The following LRMDA variants were observed in gnomAD, a reference collection of about 807,000 sequenced individuals.
LRMDA encodes leucine rich melanocyte differentiation associated.
In LRMDA, 18 loss-of-function variants were observed where a neutral mutation model predicts 29.8. The ratio of observed to expected loss-of-function variants is 0.60; its 90% CI spans 0.42 to 0.90. LRMDA has a LOEUF of 0.90. Among genes scored for constraint, LRMDA ranks in the 40% least tolerant of loss-of-function variants. The pLI is 0.00. For synonymous variants in LRMDA, 125 were observed against 109.4 expected, an observed-to-expected ratio of 1.14 and a Z score of -0.89; for missense variants, 273 against 273.9, an observed-to-expected ratio of 1.00 and a Z score of 0.02.
chr10:75,811,782 C>G (rs766743443), intron 2 of LRMDA, among the ~76,000 whole-genome samples: 8 of 152,182 alleles, frequency 5.3e-5, no homozygotes, highest in Non-Finnish European at 1.0e-4. Flanking sequence ...GAACACACGG[C>G]AAATCCACTT....
chr10:75,690,489 TA>T (rs754429975), intron 2 of LRMDA, among the ~76,000 whole-genome samples: 7 of 152,102 alleles, frequency 4.6e-5, no homozygotes, highest in East Asian at 1.9e-4. Context: ...TTTTTATTGT[TA>T]TTTTTTTTAA....
intron 5 of LRMDA, among the ~76,000 whole-genome samples, chr10:76,148,930 G>A (rs1363494257): frequency 6.6e-6 from 1 of 152,210 alleles, no homozygotes; most frequent in Admixed American, 6.5e-5. Context: ...GAGTCGCTGA[G>A]TCTTTAGTTA....
intron 2 of LRMDA, among the ~76,000 whole-genome samples, chr10:75,780,827 C>G (rs532781024): frequency 6.6e-6 from 1 of 152,294 alleles, no homozygotes; most frequent in East Asian, 1.9e-4. Flanking sequence ...GTTGCTAGCA[C>G]TGTGTGGGTA....
chr10:75,861,346 AAAG>A (rs1053099057), intron 2 of LRMDA, among the ~76,000 whole-genome samples: 1 of 152,118 alleles, frequency 6.6e-6, no homozygotes, highest in Non-Finnish European at 1.5e-5. Flanking sequence ...TTGGGTGAAA[AAAG>A]GTGTAAAGTT....
At chr10:75,556,029 G>T (rs979849233) in intron 2 of LRMDA, among the ~76,000 whole-genome samples, 5 of 152,050 alleles carry the variant, frequency 3.3e-5, no homozygotes, top group African/African-American at 1.2e-4. Context: ...TTGTGAACAG[G>T]GATGCAGGGA....
chr10:76,553,200 C>T (rs1164824725), intron 6 of LRMDA, among the ~76,000 whole-genome samples: 1 of 152,218 alleles, frequency 6.6e-6, no homozygotes, highest in Non-Finnish European at 1.5e-5. Context: ...ACACAGACAG[C>T]TGCACGTCAG....
rs372449640 is a variant in LRMDA at position 76,022,323 on chromosome 10, G to C, written c.132-13685G>C. On this transcript the variant is annotated intron_variant, in intron 2 of 6. Transcript: ENST00000611255. ...TGCTCTAACCCCACATTTTGCATAC[G>C]GAAGAAACAAAGGTCCACCAGTGAT... Among the ~76,000 whole-genome samples, 287 of 152,238 alleles carry C rather than the reference G, an allele frequency of 1.9e-3. 1 individual carries two copies. Among genetic ancestry groups the C allele is most frequent in the African/African-American group, 6.6e-3 (276 of 41,548 alleles).
intron 2 of LRMDA, among the ~76,000 whole-genome samples, chr10:75,622,304 AC>A (rs1218963849): frequency 1.2e-5 from 1 of 84,258 alleles, no homozygotes; most frequent in Non-Finnish European, 2.8e-5. Flanking sequence ...TGAATTAAGA[AC>A]AGTGAAAAAA....
At chr10:75,597,524 C>T (rs1395566551) in intron 2 of LRMDA, among the ~76,000 whole-genome samples, 1 of 152,180 alleles carries the variant, frequency 6.6e-6, no homozygotes, top group Non-Finnish European at 1.5e-5. Context: ...AAAAGCCTCC[C>T]TCATTTACTC....
intron 2 of LRMDA, among the ~76,000 whole-genome samples, chr10:75,458,933 C>G (rs1844552674): frequency 6.6e-6 from 1 of 151,956 alleles, no homozygotes; most frequent in Non-Finnish European, 1.5e-5. Flanking sequence ...TAAAAGTTTT[C>G]ATTTTATGCA....
At chr10:76,447,393 A>C (rs545315662) in intron 6 of LRMDA, among the ~76,000 whole-genome samples, 142 of 152,084 alleles carry the variant, frequency 9.3e-4, no homozygotes, top group Non-Finnish European at 1.4e-3. Context: ...AGTTCTGTGG[A>C]TATCTTCTTG....
chr10:76,533,017 T>C (rs541704108), intron 6 of LRMDA, among the ~76,000 whole-genome samples: 5 of 152,304 alleles, frequency 3.3e-5, no homozygotes, highest in African/African-American at 1.2e-4. Context: ...ATTTAAATTA[T>C]TTTCATAGTT....
chr10:76,093,959 C>A (rs114185302), intron 5 of LRMDA, among the ~76,000 whole-genome samples: 2 of 152,312 alleles, frequency 1.3e-5, no homozygotes, highest in South Asian at 4.1e-4. Flanking sequence ...CCCCTTACCA[C>A]GCTATCCGCC....
chr10:75,813,972 A>G (rs1033371359), intron 2 of LRMDA, among the ~76,000 whole-genome samples: 16 of 152,252 alleles, frequency 1.1e-4, no homozygotes, highest in African/African-American at 3.6e-4. Context: ...ATTCCAGCCA[A>G]TAAATCCATT....
chr10:75,689,156 T>C (rs1842116117), intron 2 of LRMDA, among the ~76,000 whole-genome samples: 1 of 152,176 alleles, frequency 6.6e-6, no homozygotes, highest in South Asian at 2.1e-4. Context: ...GCTAAAGAAG[T>C]ATTTTTCTCT....
rs1844286963 is a variant in LRMDA, at chr10:75,438,416, G to T, written c.53G>T (p.Cys18Phe). Residue 18 changes from cysteine (C) to phenylalanine (F), a missense_variant, in exon 2 of 7, where the codon TGC becomes TTC. Physicochemically the swap from Cys to Phe is radical, Grantham distance 205. Transcript: ENST00000611255. ...GTQVSYIGQD[C>F]REIPEHLGRD... ...CAGGTGTCCTACATAGGCCAGGACTGCAGAGAAATTCCAGAGCACCTTGGC... is the reference window on the plus strand; with the variant it reads ...CAGGTGTCCTACATAGGCCAGGACTTCAGAGAAATTCCAGAGCACCTTGGC... The T allele has an allele frequency of 1.3e-6, 2 of 1,550,944 alleles. No individual in the cohort carries two copies. Among genetic ancestry groups the T allele is most frequent in the Non-Finnish European group, 1.7e-6 (2 of 1,147,068 alleles).
intron 5 of LRMDA, among the ~76,000 whole-genome samples, chr10:76,300,049 T>C (rs1247465): frequency 0.31 from 46,709 of 152,134 alleles, 9,251 homozygotes; most frequent in Non-Finnish European, 0.44. Flanking sequence ...GAAAGATCTG[T>C]TCTTATCTCT....
intron 2 of LRMDA, among the ~76,000 whole-genome samples, chr10:75,872,240 A>G (rs768108265): frequency 2.0e-5 from 3 of 151,856 alleles, no homozygotes; most frequent in Non-Finnish European, 4.4e-5. Flanking sequence ...CTGAGAGAAC[A>G]TCTCATTATG....
At chr10:76,554,750 A>G (rs2132399062) in intron 6 of LRMDA, among the ~76,000 whole-genome samples, 1 of 152,264 alleles carries the variant, frequency 6.6e-6, no homozygotes. Context: ...TTGCCATTCA[A>G]GTTGCATGTA....
Sources: allele counts gnomAD v4.1 joint callset (sites outside exome capture counted in the v4.1 genomes callset), GRCh38; gene constraint gnomAD v4.1.1; transcripts MANE v1.5; gene names NCBI Gene and HGNC (gene_info 2026-07-23, HGNC 2026-07-21).